The following ADNP2 variants were observed in gnomAD, a reference collection of about 807,000 sequenced individuals.
ADNP2 encodes ADNP homeobox 2.
A neutral mutation model predicts 16.4 loss-of-function variants in ADNP2; 8 were observed. That is an observed-to-expected ratio of 0.49 (90% CI 0.29 to 0.88). ADNP2 has a LOEUF of 0.88. ADNP2 is among the 40% of genes least tolerant of loss of function. The pLI, the probability that ADNP2 is intolerant of heterozygous loss-of-function variation, is 0.09. For missense variants in ADNP2, 1,397 were observed against 1,395.1 expected (o/e 1.00, Z -0.02); for synonymous variants, 637 against 545.8 (o/e 1.17, Z -2.33).
chr18:80,123,709 G>C (rs1450241908), intron 2 of ADNP2, among the ~76,000 whole-genome samples: 2 of 151,466 alleles, frequency 1.3e-5, no homozygotes, highest in Admixed American at 6.6e-5. Context: ...GAGAAAAATT[G>C]ATGTTAGTTC....
chr18:80,131,938 C>T (rs1045084254), intron 2 of ADNP2, among the ~76,000 whole-genome samples: 1 of 152,146 alleles, frequency 6.6e-6, no homozygotes, highest in Non-Finnish European at 1.5e-5. Flanking sequence ...AAGATACATG[C>T]ACATGTATGT....
chr18:80,138,138 A>C lies in ADNP2; in HGVS notation c.2725A>C (p.Lys909Gln). 6.2e-7 allele frequency: 1 copy of C among 1,614,116 alleles called. No individual in the cohort carries two copies. Among genetic ancestry groups the C allele is most frequent in the East Asian group, 2.2e-5 (1 of 44,886 alleles). The change falls in exon 4 of 4, where the codon AAG (lysine) becomes CAG (glutamine). Residue 909 changes from lysine to glutamine, a missense_variant. By Grantham distance (53) the Lys-to-Gln change is moderately conservative. Around this residue, in one of 3 missense-constraint regions of ADNP2, gnomAD observed 611 missense variants for 648.7 expected, o/e 0.94. Transcript: ENST00000262198. ...HIMPTVHTVL[K>Q]SPAFKCIHCC... ...CATGCCCACAGTCCACACGGTCCTGAAGTCTCCCGCCTTCAAGTGCATCCA... is the reference window on the plus strand; with the variant it reads ...CATGCCCACAGTCCACACGGTCCTGCAGTCTCCCGCCTTCAAGTGCATCCA...
chr18:80,124,934 T>C (rs1175851277), intron 2 of ADNP2, among the ~76,000 whole-genome samples: 1 of 152,226 alleles, frequency 6.6e-6, no homozygotes, highest in Admixed American at 6.5e-5. Flanking sequence ...TTTCATAATA[T>C]ATAGGCCCAA....
rs370287508 is a variant in ADNP2, at chr18:80,138,037, C to T, written c.2624C>T (p.Ser875Phe). 1.2e-5 allele frequency: 19 copies of T among 1,613,634 alleles called. No individual in the cohort carries two copies. The highest frequency in any genetic ancestry group is 1.5e-5 in the Non-Finnish European group (18 of 1,180,028). The change falls in exon 4 of 4, where the codon TCC (serine) becomes TTC (phenylalanine). Residue 875 changes from serine (S) to phenylalanine (F), a missense_variant. Physicochemically the swap from Ser to Phe is radical, Grantham distance 155. Transcript: ENST00000262198. The part of the protein sequence containing the change: ...GTPGSTGKRV[S>F]TCPFCFGPFV... ...CCCGGGAGCACCGGCAAGCGAGTGTCCACCTGCCCCTTTTGCTTTGGCCCC... is the reference window on the plus strand; with the variant it reads ...CCCGGGAGCACCGGCAAGCGAGTGTTCACCTGCCCCTTTTGCTTTGGCCCC...
intron 2 of ADNP2, among the ~76,000 whole-genome samples, chr18:80,118,893 A>G (rs1191621719): frequency 2.0e-5 from 3 of 152,196 alleles, no homozygotes; most frequent in South Asian, 2.1e-4. Flanking sequence ...AATTAGTAAA[A>G]CTATTTTGGG....
chr18:80,121,971 C>G (rs1188721486), intron 2 of ADNP2, among the ~76,000 whole-genome samples: 1 of 151,838 alleles, frequency 6.6e-6, no homozygotes, highest in African/African-American at 2.4e-5. Context: ...GGTTGGAGTG[C>G]AGTGACATGA....
chr18:80,121,187 C>G (rs557552093), intron 2 of ADNP2, among the ~76,000 whole-genome samples: 16 of 152,188 alleles, frequency 1.1e-4, no homozygotes, highest in African/African-American at 3.9e-4. Flanking sequence ...CTCTCTGCTT[C>G]CTTCCCTCTG....
Position 80,136,616 on chromosome 18 carries a change from A to G in ADNP2, c.1203A>G (p.Leu401=). The G allele has an allele frequency of 1.9e-6, 3 of 1,613,704 alleles. No homozygotes were observed. The highest frequency in any genetic ancestry group is 2.5e-6 in the Non-Finnish European group (3 of 1,179,936). The change falls in exon 4 of 4, where the codon TTA becomes TTG. Residue 401 remains leucine, a synonymous_variant. Coordinates refer to ENST00000262198, the MANE Select transcript of ADNP2 (RefSeq NM_014913.4). ...ATCAGACTGTTCGCCCTGGGGTTTT[A>G]CCCCTCACCCAGCCTGTGGGACCCA... ...PINQTVRPGV[L]PLTQPVGPIN... is the part of the protein sequence containing the mutation.
At position 80,136,858 on chromosome 18, in the gene ADNP2, T is replaced by C. The variant is rs754189157; in HGVS notation, c.1445T>C (p.Val482Ala). Residue 482 changes from valine (V) to alanine (A), a missense_variant, in exon 4 of 4, where the codon GTC (valine) becomes GCC (alanine). Transcript: ENST00000262198. ...GGGGTTCTTCCTACTGGCCAGATGGTCCAGTCAGGAGTTCTCCCTGTGGGC... is the reference window on the plus strand; with the variant it reads ...GGGGTTCTTCCTACTGGCCAGATGGCCCAGTCAGGAGTTCTCCCTGTGGGC... ...TSGVLPTGQM[V>A]QSGVLPVGQT... 1 of 1,613,950 alleles carries C rather than the reference T, an allele frequency of 6.2e-7. No homozygotes were observed. Among genetic ancestry groups the C allele is most frequent in the East Asian group, 2.2e-5 (1 of 44,876 alleles).
At position 80,136,027 on chromosome 18, in the gene ADNP2, C is replaced by G. The variant is rs1568415125; in HGVS notation, c.614C>G (p.Ser205Cys). The G allele has an allele frequency of 3.7e-6, 6 of 1,614,216 alleles. No individual in the cohort carries two copies. The highest frequency in any genetic ancestry group is 1.1e-5 in the South Asian group (1 of 91,084). The change falls in exon 4 of 4, where the codon TCT (serine) becomes TGT (cysteine). Residue 205 changes from serine (S) to cysteine (C), a missense_variant. Coordinates refer to ENST00000262198, the MANE Select transcript of ADNP2 (RefSeq NM_014913.4). Reference protein sequence around the residue: ...GEQPKTNDTVSIEKIPPPDKY... With the variant: ...GEQPKTNDTVCIEKIPPPDKY... ...CAACCGAAAACTAACGATACTGTTT[C>G]TATAGAGAAGATCCCACCACCTGAC... is the stretch of plus-strand genomic sequence containing the variant.
chr18:80,123,475 A>G (rs1040824648), intron 2 of ADNP2, among the ~76,000 whole-genome samples: 1 of 151,074 alleles, frequency 6.6e-6, no homozygotes, highest in South Asian at 2.1e-4. Context: ...AGGCCAAGCG[A>G]TTATCCTGCC....
In ADNP2 at chr18:80,135,804, G is replaced by C. The variant is rs748278288; in HGVS notation, c.391G>C (p.Val131Leu). The change falls in exon 4 of 4, where the codon GTC (valine) becomes CTC (leucine). Residue 131 changes from valine (V) to leucine (L), a missense_variant. Val to Leu is a conservative substitution (Grantham distance 32, BLOSUM62 1). Around this residue, in one of 3 missense-constraint regions of ADNP2, gnomAD observed 777 missense variants for 719.4 expected, o/e 1.08. Coordinates refer to ENST00000262198, the MANE Select transcript of ADNP2 (RefSeq NM_014913.4). ...GCACTTCAGAATGTTCCATGCACCT[G>C]TCCGGAAAGTCCAGAACTACACAGT... Reference protein sequence around the residue: ...GRHFRMFHAPVRKVQNYTVNI... With the variant: ...GRHFRMFHAPLRKVQNYTVNI... 2 of 1,614,164 alleles carry C rather than the reference G, an allele frequency of 1.2e-6. No individual in the cohort carries two copies. The highest frequency in any genetic ancestry group is 1.7e-6 in the Non-Finnish European group (2 of 1,180,036).
chr18:80,135,557 G>T, intron 3 of ADNP2, 55 bp from the exon 4 acceptor site: 1 of 1,474,558 alleles, frequency 6.8e-7, no homozygotes, highest in South Asian at 1.3e-5. Flanking sequence ...ACTGTGGAAG[G>T]TTAGCATCTG....
At position 80,135,816 on chromosome 18, in the gene ADNP2, C is replaced by T; in HGVS notation, c.403C>T (p.Gln135Ter). 6.2e-7 allele frequency: 1 copy of T among 1,614,074 alleles called. No individual in the cohort carries two copies. Among genetic ancestry groups the T allele is most frequent in the Non-Finnish European group, 8.5e-7 (1 of 1,180,020 alleles). Residue 135 changes from glutamine (Q) to a stop codon, truncating the protein, a stop_gained, in exon 4 of 4, where the codon CAG becomes TAG. Coordinates refer to ENST00000262198, the MANE Select transcript of ADNP2 (RefSeq NM_014913.4). LOFTEE classifies it low-confidence loss of function (END_TRUNC). ...GTTCCATGCACCTGTCCGGAAAGTC[C>T]AGAACTACACAGTGAATATTTTAGG... ...RMFHAPVRKVQNYTVNILGET... is the reference protein window; with the variant it reads ...RMFHAPVRKV
At chr18:80,119,310 G>T (rs1014595800) in intron 2 of ADNP2, among the ~76,000 whole-genome samples, 2 of 151,864 alleles carry the variant, frequency 1.3e-5, no homozygotes, top group Admixed American at 1.3e-4. Flanking sequence ...CTCTTGGGGG[G>T]CTTAGGCAGG....
At chr18:80,129,136 C>T (rs895328226) in intron 2 of ADNP2, among the ~76,000 whole-genome samples, 5 of 140,588 alleles carry the variant, frequency 3.6e-5, no homozygotes, top group Admixed American at 1.5e-4. Flanking sequence ...TGGGGTCTCG[C>T]TCTGTCTTCC....
intron 3 of ADNP2, among the ~76,000 whole-genome samples, chr18:80,134,565 GTGTTT>G (rs1384880914): frequency 6.6e-6 from 1 of 151,974 alleles, no homozygotes; most frequent in East Asian, 1.9e-4. Context: ...CAGGTGTTTT[GTGTTT>G]CACCAGCTCT....
intron 1 of ADNP2, among the ~76,000 whole-genome samples, chr18:80,116,073 T>C (rs562875519): frequency 6.6e-5 from 10 of 152,356 alleles, no homozygotes; most frequent in African/African-American, 2.4e-4. Flanking sequence ...CCCACTGTTG[T>C]GCTTTCTATG....
Position 80,139,733 on chromosome 18 carries a change from C to T in ADNP2, c.*924C>T, listed in dbSNP as rs907302181. ...ATACTCAGGAATAAGATTATTGCCC[C>T]TGAGTGTGAAAACTAACTTAAATTT... On this transcript the variant is annotated 3_prime_UTR_variant, in exon 4 of 4. Transcript: ENST00000262198. 6.6e-6 allele frequency: 1 copy of T among 152,396 alleles called. No individual in the cohort carries two copies. The highest frequency in any genetic ancestry group is 1.5e-5 in the Non-Finnish European group (1 of 68,026). 9.4% of individuals were successfully genotyped at this position (152,396 alleles called of 1,614,324 possible).
Sources: gnomAD v4.1 joint callset for allele counts (sites outside exome capture counted in the v4.1 genomes callset) on GRCh38, gnomAD v4.1.1 for gene constraint, gnomAD v4.1.1 regional missense constraint, MANE v1.5 for transcripts, NCBI Gene and HGNC (gene_info 2026-07-23, HGNC 2026-07-21) for gene names.